The following TENM3 variants were observed in gnomAD, a reference collection of about 807,000 sequenced individuals.
The protein encoded by TENM3 is teneurin-3.
TENM3 carries 63 observed loss-of-function variants against 255.1 expected under a neutral mutation model. The observed-to-expected ratio is 0.25, with a 90% CI of 0.20 to 0.30. TENM3 has a LOEUF of 0.30. TENM3 is among the 10% of genes least tolerant of loss of function. The pLI is 1.00. For missense variants in TENM3, 2,929 were observed against 3,461.1 expected, an observed-to-expected ratio of 0.85 and a Z score of 3.86; for synonymous variants, 1,306 against 1,322.3, an observed-to-expected ratio of 0.99 and a Z score of 0.27.
chr4:181,531,207 G>C, the TENM3 span, among the ~76,000 whole-genome samples: 1 of 152,142 alleles, frequency 6.6e-6, no homozygotes. Context: ...CAGAATAAAA[G>C]TGGTTCAAAT....
At chr4:182,441,560 C>T (rs1156581411) in intron 3 of TENM3, among the ~76,000 whole-genome samples, 1 of 152,084 alleles carries the variant, frequency 6.6e-6, no homozygotes, top group East Asian at 1.9e-4. Context: ...TGCAGTGGTG[C>T]AATCTCCGCT....
intron 6 of TENM3, among the ~76,000 whole-genome samples, chr4:182,661,704 G>C (rs968274003): frequency 6.6e-6 from 1 of 152,144 alleles, no homozygotes; most frequent in African/African-American, 2.4e-5. Flanking sequence ...TGAATCCAAG[G>C]TTAGGTCATA....
intron 24 of TENM3, among the ~76,000 whole-genome samples, chr4:182,782,841 G>C (rs1239385407): frequency 6.9e-6 from 1 of 144,570 alleles, no homozygotes; most frequent in Non-Finnish European, 1.5e-5. Context: ...ATCTTTGTTG[G>C]TTTAAAGTCT....
chr4:181,550,220 AT>A, the TENM3 span, among the ~76,000 whole-genome samples: 2 of 152,276 alleles, frequency 1.3e-5, no homozygotes, highest in African/African-American at 4.8e-5. Flanking sequence ...CCAGTATGAG[AT>A]TTGGATTATA....
chr4:182,654,249 G>A (rs1360643923), intron 6 of TENM3, among the ~76,000 whole-genome samples: 2 of 152,108 alleles, frequency 1.3e-5, no homozygotes, highest in Non-Finnish European at 2.9e-5. Context: ...CAACTTGCGT[G>A]TGGAGTTGGA....
the TENM3 span, among the ~76,000 whole-genome samples, chr4:182,026,402 T>C: frequency 6.6e-6 from 1 of 152,242 alleles, no homozygotes; most frequent in Non-Finnish European, 1.5e-5. Context: ...ATTCACCCAT[T>C]CTGTGGGTTG....
chr4:182,248,268 A>T (rs1025733726), intron 1 of TENM3, among the ~76,000 whole-genome samples: 8 of 152,224 alleles, frequency 5.3e-5, no homozygotes, highest in East Asian at 1.9e-4. Flanking sequence ...AATAAAAAAA[A>T]TTTTAAATAA....
chr4:182,010,378 T>C, the TENM3 span, among the ~76,000 whole-genome samples: 1 of 152,246 alleles, frequency 6.6e-6, no homozygotes, highest in Non-Finnish European at 1.5e-5. Context: ...TGGAAACAGA[T>C]ATGTGATTCA....
the TENM3 span, among the ~76,000 whole-genome samples, chr4:181,731,436 C>T: frequency 2.6e-5 from 4 of 152,142 alleles, no homozygotes; most frequent in Non-Finnish European, 5.9e-5. Context: ...ACTACAACCT[C>T]GACCTCTCAG....
chr4:182,544,980 G>A (rs913421039), intron 3 of TENM3, among the ~76,000 whole-genome samples: 1 of 152,178 alleles, frequency 6.6e-6, no homozygotes, highest in Admixed American at 6.5e-5. Flanking sequence ...TTCAACAGTA[G>A]ATATTGAAAA....
intron 1 of TENM3, among the ~76,000 whole-genome samples, chr4:182,176,661 CT>C (rs1339827568): frequency 3.3e-5 from 5 of 151,514 alleles, no homozygotes; most frequent in Admixed American, 3.3e-4. Context: ...ATTTGGTATA[CT>C]TTTTTTTCTT....
the TENM3 span, among the ~76,000 whole-genome samples, chr4:182,032,012 A>G: frequency 6.6e-6 from 1 of 152,158 alleles, no homozygotes; most frequent in East Asian, 1.9e-4. Flanking sequence ...ACACAGTTTG[A>G]CTTCCCCTCT....
At chr4:182,728,868 GATGTGAA>G in intron 13 of TENM3, 90 bp from the exon 14 acceptor site, 1 of 803,908 alleles carries the variant, frequency 1.2e-6, no homozygotes, top group South Asian at 1.7e-5. Context: ...GAAATCACTT[GATGTGAA>G]AAAAAAAAAA....
the TENM3 span, among the ~76,000 whole-genome samples, chr4:182,062,278 T>G: frequency 2.0e-5 from 3 of 152,176 alleles, no homozygotes; most frequent in African/African-American, 7.2e-5. Context: ...GGACAAGCCC[T>G]ACCTTTGTAA....
At chr4:181,566,355 C>T in the TENM3 span, among the ~76,000 whole-genome samples, 1 of 152,262 alleles carries the variant, frequency 6.6e-6, no homozygotes, top group African/African-American at 2.4e-5. Context: ...GGAACTAGAC[C>T]TTTGCCAATG....
intron 3 of TENM3, among the ~76,000 whole-genome samples, chr4:182,415,244 G>T (rs1325865886): frequency 1.3e-5 from 2 of 152,188 alleles, no homozygotes; most frequent in Non-Finnish European, 2.9e-5. Context: ...ATGCTTGGTT[G>T]TGTCATCATT....
intron 1 of TENM3, among the ~76,000 whole-genome samples, chr4:182,192,520 A>G (rs745592175): frequency 5.3e-5 from 8 of 152,244 alleles, no homozygotes; most frequent in Non-Finnish European, 8.8e-5. Context: ...ATTAACTGGC[A>G]TACAGTGAAC....
the TENM3 span, among the ~76,000 whole-genome samples, chr4:181,957,605 T>G: frequency 6.6e-6 from 1 of 152,164 alleles, no homozygotes; most frequent in African/African-American, 2.4e-5. Flanking sequence ...ACGGGAAACA[T>G]TTATCATTGC....
In TENM3 at chr4:182,529,072, A is replaced by G. The variant is rs1199886890; in HGVS notation, c.512-71852A>G. 2.0e-5 allele frequency among the ~76,000 whole-genome samples: 3 copies of G among 152,240 alleles called. No individual in the cohort carries two copies. In the East Asian group the frequency reaches 5.8e-4, roughly 29 times the overall value. ...TGATTTCTATGCTTGCGACAAACTCACTTTGGCTTATGAACTTGTCAATTT... is the reference window on the plus strand; with the variant it reads ...TGATTTCTATGCTTGCGACAAACTCGCTTTGGCTTATGAACTTGTCAATTT... On this transcript the variant is annotated intron_variant, in intron 3 of 27. Coordinates refer to ENST00000511685, the MANE Select transcript of TENM3 (RefSeq NM_001080477.4).
Sources: gnomAD v4.1 joint callset for allele counts (sites outside exome capture counted in the v4.1 genomes callset) on GRCh38, gnomAD v4.1.1 for gene constraint, MANE v1.5 for transcripts, NCBI Gene and HGNC (gene_info 2026-07-23, HGNC 2026-07-21) for gene names.